Variants in SPOCK1 observed in about 807,000 individuals in gnomAD.
SPOCK1 encodes the protein SPARC (osteonectin), cwcv and kazal like domains proteoglycan 1.
SPOCK1 carries 23 observed loss-of-function variants against 55.3 expected under a neutral mutation model. The observed-to-expected ratio is 0.42, with a 90% CI of 0.30 to 0.59. The LOEUF (loss-of-function observed/expected upper bound fraction) is 0.59, where lower values mean the gene tolerates loss of function less well. SPOCK1 is among the 20% of genes least tolerant of loss of function. SPOCK1 has a pLI of 0.22. For missense variants in SPOCK1, 499 were observed against 552.5 expected (o/e 0.90, Z 0.97); for synonymous variants, 226 against 221.0 (o/e 1.02, Z -0.20).
chr5:137,109,688 T>C (rs1753431477), intron 5 of SPOCK1, among the ~76,000 whole-genome samples: 1 of 152,112 alleles, frequency 6.6e-6, no homozygotes, highest in Admixed American at 6.5e-5. Flanking sequence ...CACAGGGGCA[T>C]CCTCATGGTT....
intron 5 of SPOCK1, among the ~76,000 whole-genome samples, chr5:137,082,220 GCAGA>G (rs1222845476): frequency 1.3e-5 from 2 of 152,200 alleles, no homozygotes; most frequent in Non-Finnish European, 1.5e-5. Flanking sequence ...CATGATTTGA[GCAGA>G]CAAACTCACA....
At chr5:137,491,369 C>A (rs1347198921) in intron 2 of SPOCK1, among the ~76,000 whole-genome samples, 1 of 152,152 alleles carries the variant, frequency 6.6e-6, no homozygotes, top group Admixed American at 6.5e-5. Context: ...TCATCATTTT[C>A]AATTACTAAT....
chr5:137,350,832 CGTGT>C (rs147013183), intron 2 of SPOCK1, among the ~76,000 whole-genome samples: 1 of 151,484 alleles, frequency 6.6e-6, no homozygotes, highest in Non-Finnish European at 1.5e-5. Context: ...CGCACGTGTG[CGTGT>C]GTGTGTAATG....
intron 7 of SPOCK1, among the ~76,000 whole-genome samples, chr5:136,989,458 T>C (rs1012799217): frequency 6.6e-6 from 1 of 152,244 alleles, no homozygotes; most frequent in African/African-American, 2.4e-5. Context: ...ACTGGATTTC[T>C]AGGGCTAGTT....
rs553254214 is a variant in SPOCK1, at chr5:137,199,651, C to T, written c.233-58957G>A. ...CCCTTTCGAGCAATTTCCTCTCAGC[C>T]TCTTCTTCTACTGTCTTCTCATTTT... On this transcript the variant is annotated intron_variant, in intron 3 of 10. Transcript: ENST00000394945. Among the ~76,000 whole-genome samples, 8 of 152,258 alleles carry T rather than the reference C, an allele frequency of 5.3e-5. No homozygotes were observed. In the East Asian group the frequency reaches 1.5e-3, roughly 29 times the overall value.
At chr5:137,188,776 G>A (rs546116924) in intron 3 of SPOCK1, among the ~76,000 whole-genome samples, 18 of 152,338 alleles carry the variant, frequency 1.2e-4, no homozygotes, top group African/African-American at 3.1e-4. Flanking sequence ...AAAGCATGTC[G>A]AAAGCCGAGA....
intron 6 of SPOCK1, among the ~76,000 whole-genome samples, chr5:137,065,100 C>T (rs1398064749): frequency 3.3e-5 from 5 of 151,844 alleles, no homozygotes; most frequent in South Asian, 2.1e-4. Flanking sequence ...TGGTGGTGCA[C>T]GCCTCTACTC....
intron 2 of SPOCK1, among the ~76,000 whole-genome samples, chr5:137,475,809 A>C (rs1040478034): frequency 1.2e-4 from 18 of 152,136 alleles, no homozygotes; most frequent in Non-Finnish European, 2.5e-4. Flanking sequence ...TCCTGGCCTC[A>C]AACAATCTTC....
intron 2 of SPOCK1, among the ~76,000 whole-genome samples, chr5:137,489,847 A>T (rs1318188781): frequency 6.6e-6 from 1 of 152,226 alleles, no homozygotes; most frequent in Non-Finnish European, 1.5e-5. Flanking sequence ...CACCTGGTTC[A>T]CTGCAGTCCT....
intron 6 of SPOCK1, among the ~76,000 whole-genome samples, chr5:137,005,120 C>T (rs750027452): frequency 6.6e-6 from 1 of 152,092 alleles, no homozygotes; most frequent in Non-Finnish European, 1.5e-5. Context: ...CCCTCTTAGA[C>T]CTGATCTGTT....
At chr5:137,475,568 C>CTTTATTTATTTATTTA (rs34929130) in intron 2 of SPOCK1, among the ~76,000 whole-genome samples, 3 of 150,108 alleles carry the variant, frequency 2.0e-5, no homozygotes, top group South Asian at 2.1e-4. Context: ...CCTAAAGTAT[C>CTTTATTTATTTATTTA]TTTATTTATT....
Position 137,141,094 on chromosome 5 carries a change from A to G in SPOCK1, c.233-400T>C, listed in dbSNP as rs140521654. Among the ~76,000 whole-genome samples the G allele has an allele frequency of 1.4e-3, 213 of 152,244 alleles. No individual in the cohort carries two copies. In the Middle Eastern group the frequency reaches 0.017, roughly 12 times the overall value. ...ATTTCTACTTAAATAAACAGATAGG[A>G]AGTAAACCAACCATGTGTTTGCCCT... On this transcript the variant is annotated intron_variant, in intron 3 of 10. Transcript: ENST00000394945.
chr5:137,194,493 G>T (rs563642151), intron 3 of SPOCK1, among the ~76,000 whole-genome samples: 36 of 152,254 alleles, frequency 2.4e-4, no homozygotes, highest in African/African-American at 8.4e-4. Context: ...GCCAAGAGCT[G>T]AGGGTGGGGG....
At chr5:137,199,164 T>G (rs1755361552) in intron 3 of SPOCK1, among the ~76,000 whole-genome samples, 1 of 152,220 alleles carries the variant, frequency 6.6e-6, no homozygotes, top group South Asian at 2.1e-4. Flanking sequence ...TCTGTCACAT[T>G]GTGACCCAGG....
intron 2 of SPOCK1, among the ~76,000 whole-genome samples, chr5:137,286,706 T>C (rs1222538926): frequency 6.6e-6 from 1 of 152,110 alleles, no homozygotes; most frequent in Non-Finnish European, 1.5e-5. Context: ...AGGAGGGTGG[T>C]AGGTGAAGCC....
intron 6 of SPOCK1, among the ~76,000 whole-genome samples, chr5:137,060,088 C>T (rs894849458): frequency 2.0e-5 from 3 of 152,168 alleles, no homozygotes; most frequent in Non-Finnish European, 2.9e-5. Context: ...CCCAACAATC[C>T]CATTATTGGG....
At chr5:137,057,823 G>A (rs949723482) in intron 6 of SPOCK1, among the ~76,000 whole-genome samples, 13 of 152,146 alleles carry the variant, frequency 8.5e-5, no homozygotes, top group Admixed American at 5.2e-4. Context: ...TCACAGTAAT[G>A]GATAGCAGGG....
chr5:137,292,912 C>T (rs544175953), intron 2 of SPOCK1, among the ~76,000 whole-genome samples: 9 of 152,190 alleles, frequency 5.9e-5, no homozygotes, highest in East Asian at 1.9e-4. Flanking sequence ...GCAAACACGG[C>T]GGAAAATCCT....
rs532850287 is a variant in SPOCK1 at position 137,102,470 on chromosome 5, G to A, written c.474+9965C>T. On this transcript the variant is annotated intron_variant, in intron 5 of 10. Coordinates refer to ENST00000394945, the MANE Select transcript of SPOCK1 (RefSeq NM_004598.4). ...AGAGATGGAAAGAAACGGAGTGGTG[G>A]CAACACTGAAGGTTTCCTTCTTTCT... 4.6e-5 allele frequency among the ~76,000 whole-genome samples: 7 copies of A among 152,204 alleles called. No individual in the cohort carries two copies. In the South Asian group the frequency reaches 1.5e-3, roughly 32 times the overall value.
Sources: gnomAD v4.1 joint callset for allele counts (sites outside exome capture counted in the v4.1 genomes callset) on GRCh38, gnomAD v4.1.1 for gene constraint, MANE v1.5 for transcripts, NCBI Gene and HGNC (gene_info 2026-07-23, HGNC 2026-07-21) for gene names.